PAK3: variants seen among roughly 807,000 people sequenced by gnomAD.
PAK3 encodes serine/threonine-protein kinase PAK 3.
A neutral mutation model predicts 41.0 loss-of-function variants in PAK3; 4 were observed. The observed-to-expected ratio is 0.10, with a 90% CI of 0.05 to 0.22. The LOEUF (loss-of-function observed/expected upper bound fraction) is 0.22, where lower values mean the gene tolerates loss of function less well. PAK3 is among the 10% of genes least tolerant of loss of function. The probability of loss-of-function intolerance (pLI) is 1.00; values close to 1 mark genes in which losing one functional copy is unlikely to be tolerated. For synonymous variants in PAK3, 146 were observed against 139.6 expected (o/e 1.05, Z -0.32); for missense variants, 205 against 409.9 (o/e 0.50, Z 4.32).
Position 111,163,547 on chromosome X carries a change from T to C in PAK3, c.601-15T>C. On this transcript the variant is annotated splice_polypyrimidine_tract_variant and intron_variant, in intron 9 of 17. Coordinates refer to ENST00000372007, the MANE Select transcript of PAK3 (RefSeq NM_002578.5). Reference sequence around the variant, plus strand: ...GGCCTGCTGTTTTAATTGCAGAGCTTTTTGGTTTTTTTAGATCTATACTCG... The same window carrying C: ...GGCCTGCTGTTTTAATTGCAGAGCTCTTTGGTTTTTTTAGATCTATACTCG... 1 of 1,185,307 alleles carries C rather than the reference T, an allele frequency of 8.4e-7. No homozygotes were observed. Among genetic ancestry groups the C allele is most frequent in the South Asian group, 1.8e-5 (1 of 56,319 alleles).
At chrX:111,162,610 C>T (rs1482222198) in intron 8 of PAK3, among the ~76,000 whole-genome samples, 3 of 111,992 alleles carry the variant, frequency 2.7e-5, no homozygotes, top group African/African-American at 9.7e-5. Flanking sequence ...ATTTCAAAAA[C>T]ATTGAACTTT....
chrX:110,968,580 A>T (rs1421716826), intron 1 of PAK3, among the ~76,000 whole-genome samples: 2 of 112,165 alleles, frequency 1.8e-5, no homozygotes, highest in African/African-American at 3.2e-5. Flanking sequence ...ATGGCTAATG[A>T]TATTAAACAT....
intron 16 of PAK3, among the ~76,000 whole-genome samples, 159 bp from the exon 17 acceptor site, chrX:111,216,262 C>A (rs1338447158): frequency 8.9e-6 from 1 of 111,943 alleles, no homozygotes; most frequent in Admixed American, 9.5e-5. Context: ...TTAATCATTT[C>A]TAAATGTTAT....
intron 1 of PAK3, among the ~76,000 whole-genome samples, chrX:110,992,669 CCGGGCAT>C (rs2091671184): frequency 9.1e-6 from 1 of 109,964 alleles, no homozygotes; most frequent in Admixed American, 9.7e-5. Context: ...AATTCTGCCA[CCGGGCAT>C]CTGTTCATTC....
At chrX:111,136,017 G>C (rs931418516) in intron 5 of PAK3, among the ~76,000 whole-genome samples, 1 of 111,251 alleles carries the variant, frequency 9.0e-6, no homozygotes, top group Admixed American at 9.5e-5. Context: ...AAGGTGGCAG[G>C]AGTGAGACAG....
At chrX:110,971,224 C>T (rs1395845923) in intron 1 of PAK3, among the ~76,000 whole-genome samples, 2 of 112,003 alleles carry the variant, frequency 1.8e-5, no homozygotes, top group Admixed American at 9.5e-5. Context: ...CCACATACCC[C>T]TTAGCTGTCA....
chrX:111,035,778 A>C (rs2092394377), intron 1 of PAK3, among the ~76,000 whole-genome samples: 1 of 112,048 alleles, frequency 8.9e-6, no homozygotes, highest in Non-Finnish European at 1.9e-5. Flanking sequence ...TGAGGGAAGT[A>C]TTAAATAGAT....
chrX:111,126,965 G>T (rs2093656535), intron 5 of PAK3, among the ~76,000 whole-genome samples: 1 of 110,414 alleles, frequency 9.1e-6, no homozygotes, highest in African/African-American at 3.3e-5. Flanking sequence ...CAAAAACTTG[G>T]AAAATAAAGA....
intron 1 of PAK3, among the ~76,000 whole-genome samples, chrX:111,027,709 A>C (rs1294083123): frequency 9.0e-6 from 1 of 111,205 alleles, no homozygotes; most frequent in East Asian, 2.8e-4. Flanking sequence ...ACACTTTTAC[A>C]CTGTTGGTGG....
chrX:111,017,887 G>C (rs2092114886), intron 1 of PAK3, among the ~76,000 whole-genome samples: 1 of 110,985 alleles, frequency 9.0e-6, no homozygotes, highest in African/African-American at 3.3e-5. Context: ...TATATGCCTT[G>C]AGTAAGTGGG....
At chrX:111,034,884 T>G (rs775365081) in intron 1 of PAK3, among the ~76,000 whole-genome samples, 32 of 109,722 alleles carry the variant, frequency 2.9e-4, no homozygotes, top group Non-Finnish European at 5.7e-4. Flanking sequence ...GTAGAAGGCT[T>G]GAGCTCAGGA....
At chrX:111,126,218 T>A (rs975359456) in intron 5 of PAK3, among the ~76,000 whole-genome samples, 1 of 111,995 alleles carries the variant, frequency 8.9e-6, no homozygotes, top group Non-Finnish European at 1.9e-5. Flanking sequence ...ATAAAGCCTA[T>A]CATTTTTACT....
chrX:111,136,478 C>G (rs1250262088), intron 5 of PAK3, among the ~76,000 whole-genome samples: 1 of 111,537 alleles, frequency 9.0e-6, no homozygotes, highest in Non-Finnish European at 1.9e-5. Flanking sequence ...AATTTACATG[C>G]TGGACGATAG....
intron 5 of PAK3, among the ~76,000 whole-genome samples, chrX:111,127,602 C>A (rs1286553910): frequency 9.0e-6 from 1 of 110,947 alleles, no homozygotes; most frequent in South Asian, 3.8e-4. Flanking sequence ...GGATTTAGAC[C>A]AGGAAAGAGA....
intron 5 of PAK3, among the ~76,000 whole-genome samples, chrX:111,131,985 T>A (rs1045030102): frequency 2.7e-5 from 3 of 111,637 alleles, no homozygotes; most frequent in African/African-American, 9.8e-5. Context: ...ATGGCATTTT[T>A]TTTTAATAAA....
At chrX:111,010,080 C>T (rs773824979) in intron 1 of PAK3, among the ~76,000 whole-genome samples, 5 of 112,342 alleles carry the variant, frequency 4.5e-5, no homozygotes, top group Non-Finnish European at 7.5e-5. Context: ...TAGTTTTTGA[C>T]GTTAGGCTGT....
At chrX:111,039,985 T>G (rs1370230023) in intron 1 of PAK3, among the ~76,000 whole-genome samples, 1 of 54,896 alleles carries the variant, frequency 1.8e-5, no homozygotes, top group Non-Finnish European at 3.2e-5. Flanking sequence ...CTGGGAAAAG[T>G]AGATGGAGCA....
At position 110,982,374 on chromosome X, in the gene PAK3, G is replaced by A. The variant is rs138395049; in HGVS notation, c.-28+37746G>A. ...TGAACAAGTGCCTAAACCTCTCTGAGCCTCTGCTTTTCTTTTATTCAGCTA... is the reference window on the plus strand; with the variant it reads ...TGAACAAGTGCCTAAACCTCTCTGAACCTCTGCTTTTCTTTTATTCAGCTA... On this transcript the variant is annotated intron_variant, in intron 1 of 14. Transcript: ENST00000425146. Among the ~76,000 whole-genome samples the A allele has an allele frequency of 5.8e-3, 645 of 112,109 alleles. 6 individuals carry two copies. The highest frequency in any genetic ancestry group is 0.02 in the African/African-American group (619 of 30,843).
At chrX:111,109,101 A>G (rs1286130714) in intron 4 of PAK3, among the ~76,000 whole-genome samples, 1 of 111,792 alleles carries the variant, frequency 8.9e-6, no homozygotes, top group Admixed American at 9.5e-5. Flanking sequence ...GGCTAAGATC[A>G]AGTGAAGAGA....
Sources: gnomAD v4.1 joint callset for allele counts (sites outside exome capture counted in the v4.1 genomes callset) on GRCh38, gnomAD v4.1.1 for gene constraint, MANE v1.5 for transcripts, NCBI Gene and HGNC (gene_info 2026-07-23, HGNC 2026-07-21) for gene names.